RRM2: variants seen among roughly 807,000 people sequenced by gnomAD.
The protein encoded by RRM2 is ribonucleotide reductase regulatory subunit M2.
RRM2 carries 6 observed loss-of-function variants against 45.9 expected under a neutral mutation model. The observed-to-expected ratio is 0.13, with a 90% confidence interval of 0.07 to 0.26. The LOEUF is 0.26. RRM2 is among the 10% of genes least tolerant of loss of function. The pLI is 1.00. For missense variants in RRM2, 343 were observed against 489.5 expected (o/e 0.70, Z 2.82); for synonymous variants, 177 against 173.0 (o/e 1.02, Z -0.18).
rs768517684 is a variant in RRM2 at position 10,172,611 on chromosome 2, A to G, written n.482+30236A>G. The stretch of plus-strand genomic sequence containing the variant: ...CTGTGCCCTTTCCCCAGCCCTCCGC[A>G]TGGCATTAGAGAACATTCGCCTCCT... On this transcript the variant is annotated intron_variant and non_coding_transcript_variant, in intron 3 of 3. Coordinates refer to the RRM2 transcript ENST00000381786. The surrounding 1 kb of genome is among the most constrained non-coding windows in gnomAD (Gnocchi z 4.9). Among the ~76,000 whole-genome samples the G allele has an allele frequency of 4.6e-5, 7 of 152,158 alleles. No homozygotes were observed. Among genetic ancestry groups the G allele is most frequent in the African/African-American group, 1.7e-4 (7 of 41,426 alleles).
rs60421650 is a variant in RRM2, at chr2:10,184,091, T to TAAAAAAAAAAAAAAA, written n.483-26205_483-26191dup. Among the ~76,000 whole-genome samples, 36 of 30,680 alleles carry TAAAAAAAAAAAAAAA rather than the reference T, an allele frequency of 1.2e-3. 2 individuals are homozygous for TAAAAAAAAAAAAAAA. The highest frequency in any genetic ancestry group is 1.6e-3 in the Non-Finnish European group (30 of 18,398). 20.1% of individuals were successfully genotyped at this position (30,680 alleles called of 152,430 possible). On this transcript the variant is annotated intron_variant and non_coding_transcript_variant, in intron 3 of 3. Coordinates refer to the RRM2 transcript ENST00000381786. ...CTGGGTGACAGAGCGAGACTCCATC[T>TAAAAAAAAAAAAAAA]AAAAAAAAAAAAAAAAAAAAAAAAA...
At chr2:10,146,619 G>C (rs4669531) in intron 3 of RRM2, among the ~76,000 whole-genome samples, 1 of 151,920 alleles carries the variant, frequency 6.6e-6, no homozygotes, top group Non-Finnish European at 1.5e-5. Flanking sequence ...CATGCTCCTC[G>C]CTCTGCCCCT....
chr2:10,202,805 T>G (rs1369718305), intron 3 of RRM2, among the ~76,000 whole-genome samples: 1 of 151,884 alleles, frequency 6.6e-6, no homozygotes. Flanking sequence ...TCCAAGATGG[T>G]GATGCTCCTG....
At position 10,171,028 on chromosome 2, in the gene RRM2, A is replaced by T. The variant is rs1663793757; in HGVS notation, n.482+28653A>T. 6.6e-6 allele frequency among the ~76,000 whole-genome samples: 1 copy of T among 152,204 alleles called. No homozygotes were observed. The highest frequency in any genetic ancestry group is 1.5e-5 in the Non-Finnish European group (1 of 68,022). On this transcript the variant is annotated intron_variant and non_coding_transcript_variant, in intron 3 of 3. Transcript: ENST00000381786. The surrounding 1 kb of genome is among the most constrained non-coding windows in gnomAD (Gnocchi z 4.1). ...GCGGGGCTCAGGCCTCATCAGGGGA[A>T]ACGTGGGCATCTAGATGACCCTCCA...
intron 3 of RRM2, among the ~76,000 whole-genome samples, chr2:10,164,890 A>G (rs1572511651): frequency 6.6e-6 from 1 of 152,238 alleles, no homozygotes; most frequent in Admixed American, 6.5e-5. Flanking sequence ...ACTGGCTGCC[A>G]TCACCGACTG....
At chr2:10,209,615 G>T (rs1664723829) in intron 3 of RRM2, among the ~76,000 whole-genome samples, 1 of 21,946 alleles carries the variant, frequency 4.6e-5, no homozygotes, top group South Asian at 6.0e-3. Context: ...GTGCGTGCAT[G>T]CGTGTGTGTG....
intron 1 of RRM2, 29 bp downstream of exon 1, chr2:10,122,926 A>C: frequency 6.4e-7 from 1 of 1,553,288 alleles, no homozygotes; most frequent in East Asian, 2.3e-5. Context: ...CGCTGCGGGC[A>C]GGGGAGGGAG....
Position 10,187,654 on chromosome 2 carries a change from A to G in RRM2, n.483-22657A>G, listed in dbSNP as rs373084152. Among the ~76,000 whole-genome samples the G allele has an allele frequency of 2.2e-4, 34 of 152,206 alleles. 2 individuals carry two copies. The highest frequency in any genetic ancestry group is 1.2e-3 in the Admixed American group (18 of 15,296). Reference sequence around the variant, plus strand: ...CCTGGCACTTTTTTACTCTGAGCCCAGCCTTCCTTGTGTGTAAAACAGGGA... The same window carrying G: ...CCTGGCACTTTTTTACTCTGAGCCCGGCCTTCCTTGTGTGTAAAACAGGGA... On this transcript the variant is annotated intron_variant and non_coding_transcript_variant, in intron 3 of 3. Coordinates refer to the RRM2 transcript ENST00000381786.
In RRM2 at chr2:10,172,215, A is replaced by C. The variant is rs141202597; in HGVS notation, n.482+29840A>C. On this transcript the variant is annotated intron_variant and non_coding_transcript_variant, in intron 3 of 3. Coordinates refer to the RRM2 transcript ENST00000381786. This position sits in a 1 kb window ranked among gnomAD's most constrained non-coding sequence, Gnocchi z 4.9. ...CAAGGGGTGAGATTTCTCTGCTCTAAGTCATGGGTGCTGAGGCCCACCTGT... is the reference window on the plus strand; with the variant it reads ...CAAGGGGTGAGATTTCTCTGCTCTACGTCATGGGTGCTGAGGCCCACCTGT... 1.3e-5 allele frequency among the ~76,000 whole-genome samples: 2 copies of C among 152,232 alleles called. No individual in the cohort carries two copies. The highest frequency in any genetic ancestry group is 4.8e-5 in the African/African-American group (2 of 41,540).
upstream of RRM2, chr2:10,122,576 G>T (rs755828575): frequency 2.1e-5 from 30 of 1,442,898 alleles, no homozygotes; most frequent in South Asian, 3.3e-4. Flanking sequence ...TGAAAATCGC[G>T]CGCGGCCCCG....
chr2:10,166,795 C>T (rs1269408405), intron 3 of RRM2, among the ~76,000 whole-genome samples: 1 of 152,222 alleles, frequency 6.6e-6, no homozygotes, highest in Non-Finnish European at 1.5e-5. Flanking sequence ...GGCCCTGCGT[C>T]CCCGCCTGTG....
At position 10,123,537 on chromosome 2, in the gene RRM2, G is replaced by A. The variant is rs1378700364; in HGVS notation, c.318+7G>A. The A allele has an allele frequency of 1.9e-6, 3 of 1,610,378 alleles. No individual in the cohort carries two copies. The highest frequency in any genetic ancestry group is 2.5e-6 in the Non-Finnish European group (3 of 1,178,334). ...CTTTTGGACCGCCGAGGAGGTAATC[G>A]GAGGACCCCAGAAGACCCCTGCAGG... On this transcript the variant is annotated splice_region_variant and intron_variant, in intron 3 of 9. Coordinates refer to ENST00000304567, the MANE Select transcript of RRM2 (RefSeq NM_001034.4).
In RRM2 at chr2:10,130,643, T is replaced by TTA. The variant is rs1367025328; in HGVS notation, c.*1258_*1259insAT. 2.0e-5 allele frequency: 3 copies of TTA among 151,790 alleles called. No individual in the cohort carries two copies. In the East Asian group the frequency reaches 5.8e-4, roughly 29 times the overall value. 9.4% of individuals were successfully genotyped at this position (151,790 alleles called of 1,614,324 possible). A position where few individuals can be genotyped will look rare whatever the true frequency, so the allele number is the denominator to read the frequency against. On this transcript the variant is annotated 3_prime_UTR_variant, in exon 10 of 10. Transcript: ENST00000304567. ...GAATGAAACATAATTTTTTTTTTTT[T>TTA]TTTTGAGATGGAGTCTCGCTCTGTT...
At chr2:10,186,188 A>C (rs937781159) in intron 3 of RRM2, among the ~76,000 whole-genome samples, 2 of 152,074 alleles carry the variant, frequency 1.3e-5, no homozygotes, top group Non-Finnish European at 2.9e-5. Context: ...TTAGAGCCCC[A>C]GTTTCCATCT....
Position 10,204,074 on chromosome 2 carries a change from T to G in RRM2, n.483-6237T>G, listed in dbSNP as rs982083505. Among the ~76,000 whole-genome samples, 5 of 151,982 alleles carry G rather than the reference T, an allele frequency of 3.3e-5. No individual in the cohort carries two copies. The highest frequency in any genetic ancestry group is 4.8e-5 in the African/African-American group (2 of 41,370). On this transcript the variant is annotated intron_variant and non_coding_transcript_variant, in intron 3 of 3. Coordinates refer to the RRM2 transcript ENST00000381786. The surrounding 1 kb of genome is among the most constrained non-coding windows in gnomAD (Gnocchi z 4.0). ...AGCATACTTTAGCCTTCTAGCACAC[T>G]CCTCTCTTCCCCTAAAATTAGCCAA...
intron 5 of RRM2, among the ~76,000 whole-genome samples, chr2:10,125,896 C>T (rs1478981886): frequency 1.3e-5 from 2 of 151,950 alleles, no homozygotes; most frequent in Non-Finnish European, 2.9e-5. Flanking sequence ...GGGGTACGAT[C>T]GGGGGCAAAT....
rs148740312 is a variant in RRM2 at position 10,128,941 on chromosome 2, C to A, written c.892C>A (p.Arg298=). The change falls in exon 8 of 10, where the codon CGG becomes AGG. Residue 298 remains arginine, a synonymous_variant. Coordinates refer to ENST00000304567, the MANE Select transcript of RRM2 (RefSeq NM_001034.4). ...RVREIIINAV[R]IEQEFLTEAL... ...AAGAGAAATAATTATCAATGCTGTTCGGATAGAACAGGTAAAGTGGGTGAT... is the reference window on the plus strand; with the variant it reads ...AAGAGAAATAATTATCAATGCTGTTAGGATAGAACAGGTAAAGTGGGTGAT... 2 of 1,613,266 alleles carry A rather than the reference C, an allele frequency of 1.2e-6. No homozygotes were observed. The highest frequency in any genetic ancestry group is 2.7e-5 in the African/African-American group (2 of 74,854).
intron 5 of RRM2, among the ~76,000 whole-genome samples, chr2:10,125,486 A>G (rs537441059): frequency 6.9e-4 from 105 of 152,192 alleles, no homozygotes; most frequent in African/African-American, 2.4e-3. Context: ...CGGGCGGACA[A>G]TGAGGTCAGG....
chr2:10,154,846 G>A (rs755129453), intron 3 of RRM2, among the ~76,000 whole-genome samples: 4 of 151,860 alleles, frequency 2.6e-5, no homozygotes, highest in Non-Finnish European at 4.4e-5. Flanking sequence ...ACAGGCATGC[G>A]CCACCATGCC....
Sources: gnomAD v4.1 joint callset for allele counts (sites outside exome capture counted in the v4.1 genomes callset) on GRCh38, gnomAD v4.1.1 for gene constraint, Gnocchi (gnomAD v3.1) non-coding constraint, MANE v1.5 for transcripts, NCBI Gene and HGNC (gene_info 2026-07-23, HGNC 2026-07-21) for gene names.